Variants in TEX14 observed in about 807,000 individuals in gnomAD.
The protein encoded by TEX14 is testis expressed 14, intercellular bridge forming factor, also known as inactive serine/threonine-protein kinase TEX14.
Under a neutral mutation model 178.6 loss-of-function variants are expected in TEX14, and 168 were observed. The ratio of observed to expected loss-of-function variants is 0.94; its 90% confidence interval spans 0.83 to 1.07. The LOEUF is 1.07. Ranked by LOEUF, TEX14 falls within the 50% of genes least tolerant of loss-of-function variation. The probability of loss-of-function intolerance (pLI) is 0.00; values close to 1 mark genes in which losing one functional copy is unlikely to be tolerated. For missense variants in TEX14, 1,730 were observed against 1,753.6 expected (o/e 0.99, Z 0.24); for synonymous variants, 626 against 634.1 (o/e 0.99, Z 0.19).
chr17:58,678,377 T>A (rs191757094), intron 1 of TEX14, among the ~76,000 whole-genome samples: 6 of 152,294 alleles, frequency 3.9e-5, no homozygotes, highest in Non-Finnish European at 2.9e-5. Context: ...CATGCACGTG[T>A]ATGCTTATTG....
At chr17:58,621,823 C>A (rs1419214291) in intron 4 of TEX14, 37 bp from the exon 5 acceptor site, 2 of 1,583,588 alleles carry the variant, frequency 1.3e-6, no homozygotes, top group East Asian at 4.5e-5. Flanking sequence ...TGCGGGCGCA[C>A]CAGTTCTCAA....
intron 31 of TEX14, among the ~76,000 whole-genome samples, 198 bp from the exon 32 acceptor site, chr17:58,557,245 C>A (rs1486161445): frequency 6.6e-6 from 1 of 151,736 alleles, no homozygotes; most frequent in Non-Finnish European, 1.5e-5. Flanking sequence ...ACAGCAGCAT[C>A]TTCTGTATTC....
chr17:58,581,883 C>A lies in TEX14; in HGVS notation c.3172-2152G>T, dbSNP rs142405341. On this transcript the variant is annotated intron_variant, in intron 19 of 31. Transcript: ENST00000349033. ...CTCTCCCTACCTCTTTGTGCATGTG[C>A]CTCTGCCTTCCCTTCCTGGTGGGGA... Among the ~76,000 whole-genome samples, 526 of 152,292 alleles carry A rather than the reference C, an allele frequency of 3.5e-3. 6 individuals carry two copies. Among genetic ancestry groups the A allele is most frequent in the African/African-American group, 0.012 (516 of 41,560 alleles).
At chr17:58,631,793 C>T (rs565949491) in intron 2 of TEX14, 2 of 152,252 alleles carry the variant, frequency 1.3e-5, no homozygotes, top group East Asian at 1.9e-4. Flanking sequence ...AGATATACTC[C>T]TCGAGAAACA....
chr17:58,586,018 A>G lies in TEX14; in HGVS notation c.2853T>C (p.Pro951=), dbSNP rs764523097. 1 of 1,614,104 alleles carries G rather than the reference A, an allele frequency of 6.2e-7. No individual in the cohort carries two copies. The change falls in exon 18 of 32, where the codon CCT becomes CCC. Residue 951 remains proline (P), a synonymous_variant. Transcript: ENST00000349033. ...CGCTCTCTAAAGTCAGACTACTCTG[A>G]GGATGCCAAGGAGGTACTGTGAGCT... ...TGQLTVPPWH[P]QSSLTLESEA...
At chr17:58,648,364 T>C (rs1053559831) in intron 2 of TEX14, among the ~76,000 whole-genome samples, 1 of 152,174 alleles carries the variant, frequency 6.6e-6, no homozygotes, top group Non-Finnish European at 1.5e-5. Flanking sequence ...TGGGATCCTT[T>C]CTTCCTTCAC....
chr17:58,626,569 CAAAAAAAAAAAAA>C (rs11327030), intron 3 of TEX14, among the ~76,000 whole-genome samples: 3 of 33,662 alleles, frequency 8.9e-5, no homozygotes, highest in Non-Finnish European at 1.5e-4. Context: ...GACTCCATCT[CAAAAAAAAAAAAA>C]AAAAAAAAAA....
intron 3 of TEX14, among the ~76,000 whole-genome samples, chr17:58,626,493 C>A (rs2144563226): frequency 6.7e-6 from 1 of 150,358 alleles, no homozygotes; most frequent in East Asian, 2.0e-4. Flanking sequence ...TTGCTGGAAC[C>A]CTGTAGGCAG....
rs1335423735 is a variant in TEX14, at chr17:58,628,874, G to A, written c.251+1566C>T. Among the ~76,000 whole-genome samples, 4 of 150,426 alleles carry A rather than the reference G, an allele frequency of 2.7e-5. No individual in the cohort carries two copies. In the East Asian group the frequency reaches 7.8e-4, roughly 29 times the overall value. On this transcript the variant is annotated intron_variant, in intron 3 of 31. Transcript: ENST00000349033. The stretch of plus-strand genomic sequence containing the variant: ...CACTCCAGCCTGGGTGACAGAGCAA[G>A]ACTCCATCACAAGAAAAAAAAAAAA...
At position 58,680,745 on chromosome 17, in the gene TEX14, C is replaced by T. The variant is rs9914582; in HGVS notation, c.-2+11194G>A. ...AGCAAGACTCTGTCTCAAAAAAACC[C>T]CACAAAAACCAAAAAAACAAATTAG... On this transcript the variant is annotated intron_variant, in intron 1 of 31. Transcript: ENST00000349033. 1.1e-3 allele frequency among the ~76,000 whole-genome samples: 166 copies of T among 151,936 alleles called. 2 individuals carry two copies. Among genetic ancestry groups the T allele is most frequent in the African/African-American group, 3.5e-3 (145 of 41,464 alleles).
At chr17:58,685,308 C>T (rs2047572155) in intron 1 of TEX14, among the ~76,000 whole-genome samples, 1 of 151,692 alleles carries the variant, frequency 6.6e-6, no homozygotes, top group Non-Finnish European at 1.5e-5. Flanking sequence ...TGGTGGTGCA[C>T]ACCTGTAATC....
At chr17:58,642,107 A>G (rs532466405) in intron 2 of TEX14, among the ~76,000 whole-genome samples, 25 of 152,320 alleles carry the variant, frequency 1.6e-4, no homozygotes, top group African/African-American at 5.3e-4. Context: ...TAAATCCCTG[A>G]GGAAGCCTAC....
intron 10 of TEX14, among the ~76,000 whole-genome samples, chr17:58,605,956 C>G (rs1368063681): frequency 6.6e-6 from 1 of 152,182 alleles, no homozygotes; most frequent in African/African-American, 2.4e-5. Context: ...GGCCTTGATG[C>G]TTGCTGTTGA....
rs1019618997 is a variant in TEX14 at position 58,603,818 on chromosome 17, C to T, written c.1336+1160G>A. 3.3e-5 allele frequency among the ~76,000 whole-genome samples: 5 copies of T among 149,474 alleles called. No individual in the cohort carries two copies. The Admixed American group carries it at 3.4e-4, about 10-fold the overall frequency. ...GCAGTGAGCCAAGATCCCGCCACTG[C>T]ACTTCAGCCTGGGCAACAGAGTGAG... is the stretch of plus-strand genomic sequence containing the variant. On this transcript the variant is annotated intron_variant, in intron 11 of 31. Transcript: ENST00000349033.
rs79176705 is a variant in TEX14 at position 58,676,677 on chromosome 17, T to A, written c.-2+15262A>T. 7.5e-4 allele frequency among the ~76,000 whole-genome samples: 114 copies of A among 152,300 alleles called. 2 individuals carry two copies. The East Asian group carries it at 0.022, about 29-fold the overall frequency. ...GAATGAATTTCAATTCTATAGTCAT[T>A]GTTAAGAGCAGGTTAAAATCCTTTA... is the stretch of plus-strand genomic sequence containing the variant. On this transcript the variant is annotated intron_variant, in intron 1 of 31. Transcript: ENST00000349033.
At chr17:58,649,992 G>A (rs1431946803) in intron 2 of TEX14, among the ~76,000 whole-genome samples, 2 of 151,988 alleles carry the variant, frequency 1.3e-5, no homozygotes, top group African/African-American at 4.8e-5. Flanking sequence ...CACCCTCCTC[G>A]GCATCCCAAA....
intron 28 of TEX14, among the ~76,000 whole-genome samples, chr17:58,562,493 G>C (rs145592334): frequency 6.6e-6 from 1 of 151,972 alleles, no homozygotes; most frequent in Non-Finnish European, 1.5e-5. Context: ...TTTTGATCAC[G>C]TAAAAAGAGC....
chr17:58,620,788 C>A (rs1205053804), intron 5 of TEX14, among the ~76,000 whole-genome samples: 2 of 152,194 alleles, frequency 1.3e-5, no homozygotes, highest in Non-Finnish European at 1.5e-5. Context: ...CTGTACCCAG[C>A]CACCTGATTT....
intron 1 of TEX14, chr17:58,659,395 G>C (rs1189236880): frequency 1.1e-6 from 1 of 871,754 alleles, no homozygotes; most frequent in Non-Finnish European, 1.4e-6. Flanking sequence ...TTTAGGCATC[G>C]CTTCGAAACT....
Sources: gnomAD v4.1 joint callset for allele counts (sites outside exome capture counted in the v4.1 genomes callset) on GRCh38, gnomAD v4.1.1 for gene constraint, MANE v1.5 for transcripts, NCBI Gene and HGNC (gene_info 2026-07-23, HGNC 2026-07-21) for gene names.